Variants in ABCA13 observed in about 807,000 individuals in gnomAD.
ABCA13 encodes ATP-binding cassette sub-family A member 13.
In ABCA13, 476 loss-of-function variants were observed where a neutral mutation model predicts 478.7. The ratio of observed to expected loss-of-function variants is 0.99; its 90% confidence interval spans 0.92 to 1.07. The LOEUF (loss-of-function observed/expected upper bound fraction) is 1.07, where lower values mean the gene tolerates loss of function less well. Ranked by LOEUF, ABCA13 falls within the 50% of genes least tolerant of loss-of-function variation. The pLI is 0.00. For synonymous variants in ABCA13, 2,252 were observed against 2,158.9 expected (o/e 1.04, Z -1.20); for missense variants, 6,060 against 5,910.6 (o/e 1.03, Z -0.83).
chr7:48,512,217 T>C (rs1831751790), intron 51 of ABCA13, among the ~76,000 whole-genome samples: 2 of 152,228 alleles, frequency 1.3e-5, no homozygotes, highest in East Asian at 3.9e-4. Flanking sequence ...ACCCCAATGC[T>C]GTAGCTTTGG....
intron 17 of ABCA13, 53 bp from the exon 18 acceptor site, chr7:48,278,041 C>A: frequency 1.6e-6 from 1 of 615,680 alleles, no homozygotes; most frequent in Non-Finnish European, 2.3e-6. Context: ...AATATTTCCA[C>A]TGTTAATGTA....
At chr7:48,563,449 G>A (rs1056137737) in intron 55 of ABCA13, among the ~76,000 whole-genome samples, 1 of 152,196 alleles carries the variant, frequency 6.6e-6, no homozygotes, top group South Asian at 2.1e-4. Context: ...CCCATGATGA[G>A]GTCTCAGCAG....
chr7:48,350,559 C>T (rs576589154), intron 29 of ABCA13, 84 bp from the exon 30 acceptor site: 6 of 1,358,738 alleles, frequency 4.4e-6, no homozygotes, highest in Middle Eastern at 2.6e-4. Context: ...TTTTCAAATC[C>T]ATTTGCACAA....
intron 42 of ABCA13, among the ~76,000 whole-genome samples, chr7:48,440,710 A>G (rs12668898): frequency 0.3 from 45,127 of 151,450 alleles, 6,803 homozygotes; most frequent in East Asian, 0.38. Flanking sequence ...TTGCCTATAT[A>G]TATCCTCTAT....
rs1796211138 is a variant in ABCA13 at position 48,275,702 on chromosome 7, C to T, written c.6036C>T (p.Asp2012=). ...GGACAGTACAATTGATTTCTGAAGA[C>T]TGGAGCCTAGAAAAAAGTACGCATA... ...LERTVQLISE[D]WSLEKSTHNL... Residue 2012 remains aspartate, a synonymous_variant, in exon 17 of 62, where the codon GAC becomes GAT. Coordinates refer to ENST00000435803, the MANE Select transcript of ABCA13 (RefSeq NM_152701.5). 1.9e-6 allele frequency: 3 copies of T among 1,599,658 alleles called. No individual in the cohort carries two copies. The highest frequency in any genetic ancestry group is 8.5e-7 in the Non-Finnish European group (1 of 1,172,278).
chr7:48,372,351 A>G lies in ABCA13; in HGVS notation c.10987A>G (p.Met3663Val). The change falls in exon 33 of 62, where the codon ATG (methionine) becomes GTG (valine). Residue 3663 changes from methionine to valine, a missense_variant. Transcript: ENST00000435803. ...FLLDFGMSVV[M>V]LSYLLSAFFS... is the part of the protein sequence containing the mutation. ...CTTGGATTTTGGGATGTCAGTCGTC[A>G]TGCTGAGCTACCTCTTGAGTGCATT... 1 of 1,613,980 alleles carries G rather than the reference A, an allele frequency of 6.2e-7. No individual in the cohort carries two copies. The highest frequency in any genetic ancestry group is 1.1e-5 in the South Asian group (1 of 91,082).
intron 42 of ABCA13, among the ~76,000 whole-genome samples, chr7:48,452,351 T>G (rs1188807669): frequency 6.6e-6 from 1 of 152,188 alleles, no homozygotes; most frequent in Non-Finnish European, 1.5e-5. Context: ...TGTTGGTGGC[T>G]GAGATTAGAT....
intron 59 of ABCA13, among the ~76,000 whole-genome samples, chr7:48,615,957 G>A (rs1792529977): frequency 6.6e-6 from 1 of 151,256 alleles, no homozygotes; most frequent in Non-Finnish European, 1.5e-5. Context: ...TTCCTTTTTG[G>A]AATCTTAATA....
At chr7:48,546,368 G>A (rs1784810784) in intron 55 of ABCA13, among the ~76,000 whole-genome samples, 1 of 151,696 alleles carries the variant, frequency 6.6e-6, no homozygotes, top group African/African-American at 2.4e-5. Flanking sequence ...TTGACAGCAA[G>A]AATATAAACA....
chr7:48,287,265 G>A (rs1225467404), intron 19 of ABCA13, among the ~76,000 whole-genome samples: 1 of 152,226 alleles, frequency 6.6e-6, no homozygotes, highest in South Asian at 2.1e-4. Flanking sequence ...GATGCAACAT[G>A]GAGCCTTTGC....
chr7:48,351,312 A>T (rs1808949166), intron 30 of ABCA13, among the ~76,000 whole-genome samples: 3 of 152,198 alleles, frequency 2.0e-5, no homozygotes. Flanking sequence ...ATTCTTTTGG[A>T]ATACACATTG....
At chr7:48,315,217 G>A (rs898678824) in intron 26 of ABCA13, among the ~76,000 whole-genome samples, 1 of 152,158 alleles carries the variant, frequency 6.6e-6, no homozygotes, top group Non-Finnish European at 1.5e-5. Flanking sequence ...GTATCCTAGT[G>A]TATTCGTTTT....
At position 48,503,971 on chromosome 7, in the gene ABCA13, A is replaced by C. The variant is rs188281557; in HGVS notation, c.13292-2365A>C. 1.2e-4 allele frequency among the ~76,000 whole-genome samples: 19 copies of C among 152,366 alleles called. No homozygotes were observed. In the East Asian group the frequency reaches 3.7e-3, roughly 29 times the overall value. On this transcript the variant is annotated intron_variant, in intron 48 of 61. Coordinates refer to ENST00000435803, the MANE Select transcript of ABCA13 (RefSeq NM_152701.5). Reference sequence around the variant, plus strand: ...ATGTATACATATATCAAAACATTACATAGTACACCTTAAATGTTTGCAATT... The same window carrying C: ...ATGTATACATATATCAAAACATTACCTAGTACACCTTAAATGTTTGCAATT...
At chr7:48,236,430 T>G (rs1286549227) in intron 8 of ABCA13, among the ~76,000 whole-genome samples, 1 of 152,210 alleles carries the variant, frequency 6.6e-6, no homozygotes, top group Non-Finnish European at 1.5e-5. Flanking sequence ...TTTTCCTGCC[T>G]CTGCTGGTTT....
chr7:48,172,793 G>T (rs1251985018), intron 1 of ABCA13, among the ~76,000 whole-genome samples: 1 of 78,402 alleles, frequency 1.3e-5, no homozygotes, highest in East Asian at 3.8e-4. Context: ...GCGAGACTCC[G>T]TCTCAAAAAA....
At chr7:48,249,448 G>A in intron 15 of ABCA13, 97 bp downstream of exon 15, 1 of 1,491,264 alleles carries the variant, frequency 6.7e-7, no homozygotes, top group African/African-American at 1.4e-5. Context: ...AACAAAGCGG[G>A]GCTTAAAATG....
At chr7:48,349,483 A>G (rs1433245220) in intron 29 of ABCA13, among the ~76,000 whole-genome samples, 3 of 152,154 alleles carry the variant, frequency 2.0e-5, no homozygotes, top group Non-Finnish European at 2.9e-5. Flanking sequence ...TGATTTTTCT[A>G]CAGACCTCAG....
At chr7:48,285,834 T>G (rs926175084) in intron 19 of ABCA13, among the ~76,000 whole-genome samples, 1 of 152,216 alleles carries the variant, frequency 6.6e-6, no homozygotes, top group Non-Finnish European at 1.5e-5. Flanking sequence ...TCATTTCAAA[T>G]TTTAATAAGA....
chr7:48,372,922 C>T (rs980309933), intron 33 of ABCA13, among the ~76,000 whole-genome samples: 2 of 152,154 alleles, frequency 1.3e-5, no homozygotes, highest in African/African-American at 4.8e-5. Flanking sequence ...AGTCACTCAT[C>T]CATTTAAAAT....
Sources: gnomAD v4.1 joint callset for allele counts (sites outside exome capture counted in the v4.1 genomes callset) on GRCh38, gnomAD v4.1.1 for gene constraint, MANE v1.5 for transcripts, NCBI Gene and HGNC (gene_info 2026-07-23, HGNC 2026-07-21) for gene names.